Variants in AGBL1 observed in about 807,000 individuals in gnomAD.
AGBL1 encodes AGBL carboxypeptidase 1.
A neutral mutation model predicts 118.9 loss-of-function variants in AGBL1; 130 were observed. The observed-to-expected ratio is 1.09, with a 90% CI of 0.95 to 1.26. The LOEUF is 1.26. Among genes scored for constraint, AGBL1 ranks in the 50% most tolerant of loss-of-function variants. The probability of loss-of-function intolerance (pLI) is 0.00; values close to 1 mark genes in which losing one functional copy is unlikely to be tolerated. For missense variants in AGBL1, 1,584 were observed against 1,298.1 expected, an observed-to-expected ratio of 1.22 and a Z score of -3.38; for synonymous variants, 555 against 478.9, an observed-to-expected ratio of 1.16 and a Z score of -2.08.
chr15:86,786,745 G>T (rs1435707345), intron 22 of AGBL1, among the ~76,000 whole-genome samples: 1 of 152,142 alleles, frequency 6.6e-6, no homozygotes, highest in Non-Finnish European at 1.5e-5. Context: ...TGAGACATAT[G>T]CATGTTGCTA....
intron 17 of AGBL1, among the ~76,000 whole-genome samples, chr15:86,338,727 G>T (rs2080413397): frequency 6.6e-6 from 1 of 152,114 alleles, no homozygotes; most frequent in Non-Finnish European, 1.5e-5. Context: ...GTTTGAATGG[G>T]CTGCCCAAAC....
intron 5 of AGBL1, among the ~76,000 whole-genome samples, chr15:86,216,237 T>A (rs1363025155): frequency 6.6e-6 from 1 of 151,920 alleles, no homozygotes; most frequent in African/African-American, 2.4e-5. Flanking sequence ...GCCATTTATT[T>A]ATTTATTTAT....
intron 5 of AGBL1, among the ~76,000 whole-genome samples, chr15:86,197,420 G>C (rs139536046): frequency 1.3e-5 from 2 of 152,344 alleles, no homozygotes; most frequent in Non-Finnish European, 2.9e-5. Context: ...TGAGAAACAA[G>C]TTATTGGAAA....
chr15:86,423,591 CA>C (rs1427822399), intron 18 of AGBL1, among the ~76,000 whole-genome samples: 2 of 152,144 alleles, frequency 1.3e-5, no homozygotes, highest in African/African-American at 2.4e-5. Flanking sequence ...GAGAGGAAGT[CA>C]AATTGTCTCT....
At chr15:86,900,504 G>C (rs933816032) in intron 22 of AGBL1, among the ~76,000 whole-genome samples, 3 of 152,062 alleles carry the variant, frequency 2.0e-5, no homozygotes, top group African/African-American at 7.2e-5. Flanking sequence ...TTCCAAACTT[G>C]AGTATATTTA....
At chr15:86,877,005 T>G (rs11633969) in intron 22 of AGBL1, among the ~76,000 whole-genome samples, 42,649 of 152,058 alleles carry the variant, frequency 0.28, 7,135 homozygotes, top group Non-Finnish European at 0.37. Flanking sequence ...CCATTCCTGG[T>G]CTAGGAAAAA....
At chr15:86,348,693 A>T (rs970870562) in intron 17 of AGBL1, among the ~76,000 whole-genome samples, 3 of 151,780 alleles carry the variant, frequency 2.0e-5, no homozygotes, top group African/African-American at 4.8e-5. Context: ...CAGGAGACTC[A>T]CTTGAACCTG....
At chr15:87,005,243 C>A (rs963694785) in intron 24 of AGBL1, among the ~76,000 whole-genome samples, 2 of 152,220 alleles carry the variant, frequency 1.3e-5, no homozygotes, top group East Asian at 1.9e-4. Context: ...GCCTGCCTTG[C>A]TAGATTGGGG....
At chr15:86,735,498 CATCTATCT>C (rs559454675) in intron 22 of AGBL1, among the ~76,000 whole-genome samples, 7 of 151,356 alleles carry the variant, frequency 4.6e-5, no homozygotes, top group South Asian at 2.1e-4. Flanking sequence ...ATCATTAGAA[CATCTATCT>C]ATCTATCTAT....
At chr15:86,771,017 G>A (rs141173710) in intron 22 of AGBL1, among the ~76,000 whole-genome samples, 2 of 151,996 alleles carry the variant, frequency 1.3e-5, no homozygotes, top group South Asian at 2.1e-4. Context: ...ACTCGTAAAG[G>A]CATCCAATGT....
chr15:86,443,719 C>T (rs548235581), intron 18 of AGBL1, among the ~76,000 whole-genome samples: 12 of 152,262 alleles, frequency 7.9e-5, no homozygotes, highest in African/African-American at 2.9e-4. Context: ...TTTGTGCTTG[C>T]CCTATTTTAC....
chr15:86,483,834 A>C (rs2082682068), intron 18 of AGBL1, among the ~76,000 whole-genome samples: 1 of 152,164 alleles, frequency 6.6e-6, no homozygotes, highest in Admixed American at 6.6e-5. Context: ...ATTGCTTACC[A>C]ATGCAGATGC....
At chr15:86,929,796 C>T (rs2080583851) in intron 23 of AGBL1, among the ~76,000 whole-genome samples, 1 of 152,190 alleles carries the variant, frequency 6.6e-6, no homozygotes, top group South Asian at 2.1e-4. Flanking sequence ...CATTGACATT[C>T]ATCACTGGCA....
chr15:86,882,072 G>A (rs1416862821), intron 22 of AGBL1, among the ~76,000 whole-genome samples: 3 of 152,134 alleles, frequency 2.0e-5, no homozygotes, highest in African/African-American at 7.2e-5. Context: ...CATTAAATGG[G>A]AAACTATGAA....
chr15:86,780,289 A>G (rs1354749843), intron 22 of AGBL1, among the ~76,000 whole-genome samples: 1 of 152,208 alleles, frequency 6.6e-6, no homozygotes, highest in Non-Finnish European at 1.5e-5. Flanking sequence ...CATATGTTTC[A>G]GAAACTATCC....
At chr15:86,720,913 T>A (rs911359954) in intron 22 of AGBL1, among the ~76,000 whole-genome samples, 1 of 152,176 alleles carries the variant, frequency 6.6e-6, no homozygotes, top group Non-Finnish European at 1.5e-5. Flanking sequence ...AATGGATAGA[T>A]TCCTCAACAC....
intron 5 of AGBL1, among the ~76,000 whole-genome samples, chr15:86,217,399 G>C (rs532301062): frequency 2.0e-5 from 3 of 152,202 alleles, no homozygotes; most frequent in Admixed American, 6.5e-5. Context: ...CTAAGTGGTA[G>C]GGGTAGAATA....
chr15:86,815,023 TG>T (rs1448691281), intron 22 of AGBL1, among the ~76,000 whole-genome samples: 1 of 152,192 alleles, frequency 6.6e-6, no homozygotes, highest in African/African-American at 2.4e-5. Flanking sequence ...ATAACTGTTT[TG>T]TTTTTTTTTA....
chr15:86,291,432 A>G (rs959014715), intron 16 of AGBL1, among the ~76,000 whole-genome samples: 1 of 152,206 alleles, frequency 6.6e-6, no homozygotes, highest in African/African-American at 2.4e-5. Flanking sequence ...AATAATCTTC[A>G]GTGTAGCATG....
Sources: allele counts gnomAD v4.1 joint callset (sites outside exome capture counted in the v4.1 genomes callset), GRCh38; gene constraint gnomAD v4.1.1; transcripts MANE v1.5; gene names NCBI Gene and HGNC (gene_info 2026-07-23, HGNC 2026-07-21).